KDM3A: variants seen among roughly 807,000 people sequenced by gnomAD.
KDM3A encodes the protein lysine demethylase 3A, also known as lysine-specific demethylase 3A.
In KDM3A, 60 loss-of-function variants were observed where a neutral mutation model predicts 158.0. The ratio of observed to expected loss-of-function variants is 0.38; its 90% CI spans 0.31 to 0.47. KDM3A has a LOEUF of 0.47. Ranked by LOEUF, KDM3A falls within the 20% of genes least tolerant of loss-of-function variation. The pLI is 0.99. For synonymous variants in KDM3A, 608 were observed against 549.3 expected, an observed-to-expected ratio of 1.11 and a Z score of -1.49; for missense variants, 1,319 against 1,574.3, an observed-to-expected ratio of 0.84 and a Z score of 2.74.
intron 19 of KDM3A, among the ~76,000 whole-genome samples, chr2:86,484,483 C>T (rs1469754513): frequency 2.0e-5 from 3 of 152,190 alleles, no homozygotes; most frequent in African/African-American, 7.2e-5. Flanking sequence ...TGATGGTTGA[C>T]GTGCATTGCT....
intron 8 of KDM3A, among the ~76,000 whole-genome samples, chr2:86,457,616 T>A (rs992069230): frequency 6.6e-6 from 1 of 152,188 alleles, no homozygotes; most frequent in Non-Finnish European, 1.5e-5. Context: ...ATTTGACAAT[T>A]TCACCATGTG....
At chr2:86,454,607 A>G (rs1672607984) in intron 4 of KDM3A, among the ~76,000 whole-genome samples, 1 of 152,126 alleles carries the variant, frequency 6.6e-6, no homozygotes, top group South Asian at 2.1e-4. Flanking sequence ...GCAGTGTGTT[A>G]TATAAAATAA....
intron 8 of KDM3A, among the ~76,000 whole-genome samples, chr2:86,458,324 T>G (rs1449482234): frequency 6.6e-6 from 1 of 152,238 alleles, no homozygotes; most frequent in Non-Finnish European, 1.5e-5. Context: ...TAAACCAGTG[T>G]CTGAAGCCTC....
intron 2 of KDM3A, chr2:86,442,498 C>T: frequency 2.7e-6 from 1 of 369,846 alleles, no homozygotes; most frequent in East Asian, 5.1e-5. Flanking sequence ...CTGTGTCCCA[C>T]CAGGACTGTC....
chr2:86,445,548 A>T (rs1303492201), intron 2 of KDM3A, among the ~76,000 whole-genome samples: 6 of 151,944 alleles, frequency 3.9e-5, no homozygotes, highest in African/African-American at 1.2e-4. Context: ...TTTGAAGCCT[A>T]CCTGTTTCTT....
At chr2:86,476,953 G>A (rs1221829367) in intron 12 of KDM3A, among the ~76,000 whole-genome samples, 2 of 152,222 alleles carry the variant, frequency 1.3e-5, no homozygotes, top group African/African-American at 4.8e-5. Flanking sequence ...GAGAGAGACT[G>A]ACTGCCAGGA....
intron 8 of KDM3A, among the ~76,000 whole-genome samples, chr2:86,462,044 A>G (rs1197238854): frequency 6.6e-6 from 1 of 152,188 alleles, no homozygotes; most frequent in East Asian, 1.9e-4. Context: ...AGAGGATTCA[A>G]CAAGAATGGA....
rs748898231 is a variant in KDM3A, at chr2:86,477,895, G to C, written c.1958G>C (p.Arg653Pro). The change falls in exon 13 of 26, where the codon CGA (arginine) becomes CCA (proline). Residue 653 changes from arginine to proline, a missense_variant. This residue lies in a region of KDM3A where 113 missense variants were observed against 190.5 expected (regional missense o/e 0.59). Transcript: ENST00000312912. ...TTTGCAGGACAGGTTGCTTGGAAGC[G>C]AGCTGTCAAAGGTGTTCGAGAAATG... Reference protein sequence around the residue: ...IEPHRQVAWKRAVKGVREMCD... With the variant: ...IEPHRQVAWKPAVKGVREMCD... 2.5e-6 allele frequency: 4 copies of C among 1,608,704 alleles called. No individual in the cohort carries two copies. Among genetic ancestry groups the C allele is most frequent in the Non-Finnish European group, 3.4e-6 (4 of 1,176,950 alleles).
chr2:86,449,080 GTTAAAAGTA>G (rs1683060931), intron 2 of KDM3A, among the ~76,000 whole-genome samples: 1 of 152,116 alleles, frequency 6.6e-6, no homozygotes, highest in African/African-American at 2.4e-5. Flanking sequence ...TAGCCTTAGG[GTTAAAAGTA>G]TTATGCAGGT....
At chr2:86,486,227 A>T (rs1674174322) in intron 21 of KDM3A, among the ~76,000 whole-genome samples, 1 of 152,228 alleles carries the variant, frequency 6.6e-6, no homozygotes, top group South Asian at 2.1e-4. Context: ...ATCTGCTGGC[A>T]TTCTAGCTGT....
intron 19 of KDM3A, 145 bp downstream of exon 19, chr2:86,484,303 GTT>G: frequency 1.5e-6 from 1 of 659,212 alleles, no homozygotes; most frequent in Non-Finnish European, 2.6e-6. Context: ...CCCCTTCCTT[GTT>G]ACAATGTTTA....
At chr2:86,445,766 A>AT (rs1288152583) in intron 2 of KDM3A, among the ~76,000 whole-genome samples, 1 of 152,214 alleles carries the variant, frequency 6.6e-6, no homozygotes, top group African/African-American at 2.4e-5. Context: ...CTAGCACGGT[A>AT]TAAAAACTGT....
chr2:86,441,664 C>T (rs987344036), intron 1 of KDM3A, among the ~76,000 whole-genome samples: 1 of 150,808 alleles, frequency 6.6e-6, no homozygotes, highest in Non-Finnish European at 1.5e-5. Context: ...GGGACCCAGC[C>T]GCCCGGGACC....
At chr2:86,457,424 C>T (rs1271712445) in intron 8 of KDM3A, among the ~76,000 whole-genome samples, 7 of 152,178 alleles carry the variant, frequency 4.6e-5, no homozygotes. Flanking sequence ...CATGAGTGAG[C>T]TACTGCCCCT....
intron 2 of KDM3A, among the ~76,000 whole-genome samples, chr2:86,445,053 A>C (rs762225566): frequency 6.6e-6 from 1 of 152,212 alleles, no homozygotes; most frequent in Non-Finnish European, 1.5e-5. Context: ...TTTAGTGTCA[A>C]AAACTGAGGC....
intron 18 of KDM3A, 157 bp from the exon 19 acceptor site, chr2:86,483,830 G>C (rs1674054406): frequency 3.5e-6 from 2 of 579,606 alleles, no homozygotes; most frequent in Non-Finnish European, 6.0e-6. Flanking sequence ...GGTGCTTTGG[G>C]AGCTCAGAGA....
At position 86,482,105 on chromosome 2, in the gene KDM3A, A is replaced by G. The variant is rs1673958801; in HGVS notation, c.2685+3A>G. 1 of 1,612,362 alleles carries G rather than the reference A, an allele frequency of 6.2e-7. No individual in the cohort carries two copies. Among genetic ancestry groups the G allele is most frequent in the Non-Finnish European group, 8.5e-7 (1 of 1,179,010 alleles). On this transcript the variant is annotated splice_donor_region_variant and intron_variant, in intron 17 of 25. Coordinates refer to ENST00000312912, the MANE Select transcript of KDM3A (RefSeq NM_018433.6). ...TCTTGAATTCTTCTACAGGAAAGGT[A>G]TGTGTTTGTTTGTTGGTATTCCATG...
At chr2:86,438,059 ATT>A (rs1682519535), upstream of KDM3A, among the ~76,000 whole-genome samples, 1 of 152,102 alleles carries the variant, frequency 6.6e-6, no homozygotes, top group Non-Finnish European at 1.5e-5. Context: ...TCCTGACTTT[ATT>A]GGGAATTTTT....
At position 86,466,494 on chromosome 2, in the gene KDM3A, C is replaced by G; in HGVS notation, c.1130C>G (p.Thr377Ser). Residue 377 changes from threonine to serine, a missense_variant, in exon 10 of 26, where the codon ACT (threonine) becomes AGT (serine). Physicochemically the swap from Thr to Ser is moderately conservative, Grantham distance 58. Around this residue, in one of 4 missense-constraint regions of KDM3A, gnomAD observed 652 missense variants for 627.2 expected, o/e 1.04. Transcript: ENST00000312912. Reference protein sequence around the residue: ...GLLSKSSQIGTGDLKILTEPK... With the variant: ...GLLSKSSQIGSGDLKILTEPK... ...CTCTCAAAGTCCTCTCAGATTGGAA[C>G]TGGAGACTTGAAAATTCTGACTGAG... The G allele has an allele frequency of 6.2e-7, 1 of 1,613,932 alleles. No individual in the cohort carries two copies. Among genetic ancestry groups the G allele is most frequent in the Non-Finnish European group, 8.5e-7 (1 of 1,179,858 alleles).
Sources: gnomAD v4.1 joint callset for allele counts (sites outside exome capture counted in the v4.1 genomes callset) on GRCh38, gnomAD v4.1.1 for gene constraint, gnomAD v4.1.1 regional missense constraint, MANE v1.5 for transcripts, NCBI Gene and HGNC (gene_info 2026-07-23, HGNC 2026-07-21) for gene names.